SLC3A1: variants seen among roughly 807,000 people sequenced by gnomAD.
The protein encoded by SLC3A1 is solute carrier family 3 member 1, also known as amino acid transporter heavy chain SLC3A1.
In SLC3A1, 78 loss-of-function variants were observed where a neutral mutation model predicts 60.3. That is an observed-to-expected ratio of 1.29 (90% CI 1.08 to 1.56). SLC3A1 has a LOEUF of 1.56. SLC3A1 is among the 40% of genes most tolerant of loss of function. The pLI, the probability that SLC3A1 is intolerant of heterozygous loss-of-function variation, is 0.00. For synonymous variants in SLC3A1, 392 were observed against 307.9 expected, an observed-to-expected ratio of 1.27 and a Z score of -2.86; for missense variants, 1,172 against 858.9, an observed-to-expected ratio of 1.36 and a Z score of -4.56.
intron 8 of SLC3A1, among the ~76,000 whole-genome samples, chr2:44,313,244 C>T (rs1672343044): frequency 6.6e-6 from 1 of 152,140 alleles, no homozygotes; most frequent in Non-Finnish European, 1.5e-5. Context: ...CAGAGTTAAG[C>T]AGTTTTTATT....
chr2:44,276,676 G>A (rs932047537), intron 1 of SLC3A1, among the ~76,000 whole-genome samples: 3 of 151,538 alleles, frequency 2.0e-5, no homozygotes, highest in African/African-American at 7.3e-5. Flanking sequence ...GCCAGCTTAG[G>A]CAACATAGGG....
chr2:44,304,069 G>C (rs765812465), intron 6 of SLC3A1, 74 bp from the exon 7 acceptor site: 2 of 1,116,364 alleles, frequency 1.8e-6, no homozygotes, highest in Non-Finnish European at 2.8e-6. Flanking sequence ...GTACATGCAA[G>C]ATAAGCAGCT....
intron 7 of SLC3A1, among the ~76,000 whole-genome samples, chr2:44,312,158 TTAA>T (rs1672313754): frequency 1.3e-5 from 2 of 152,224 alleles, no homozygotes; most frequent in African/African-American, 4.8e-5. Context: ...TTGATTTACT[TTAA>T]AAATTTTGTC....
At chr2:44,280,472 T>C (rs1671469814) in intron 1 of SLC3A1, among the ~76,000 whole-genome samples, 1 of 151,788 alleles carries the variant, frequency 6.6e-6, no homozygotes, top group Admixed American at 6.6e-5. Context: ...CTCTTGACCT[T>C]AGGTATCCTC....
intron 6 of SLC3A1, among the ~76,000 whole-genome samples, chr2:44,302,041 C>T (rs896254066): frequency 2.0e-5 from 3 of 152,118 alleles, no homozygotes; most frequent in African/African-American, 7.2e-5. Flanking sequence ...GGCAACAGAG[C>T]AATACTCCAT....
intron 9 of SLC3A1, chr2:44,316,336 TGATTA>T (rs967774877): frequency 2.6e-4 from 40 of 152,296 alleles, no homozygotes; most frequent in African/African-American, 9.4e-4. Context: ...TTTCAAGAAG[TGATTA>T]GATCTCTCAG....
chr2:44,313,477 C>T (rs1672348897), intron 8 of SLC3A1, among the ~76,000 whole-genome samples: 1 of 152,160 alleles, frequency 6.6e-6, no homozygotes, highest in African/African-American at 2.4e-5. Context: ...TTGTACATGG[C>T]AGTGTTCTTA....
At chr2:44,321,510 T>C (rs1672941715), downstream of SLC3A1, 2 of 1,572,002 alleles carry the variant, frequency 1.3e-6, no homozygotes, top group Admixed American at 3.7e-5. Flanking sequence ...CTGTTTAAGC[T>C]TCTCTTTATC....
Position 44,280,804 on chromosome 2 carries a change from C to T in SLC3A1, c.519C>T (p.Phe173=), listed in dbSNP as rs770315517. The change falls in exon 2 of 10, where the codon TTC becomes TTT. Residue 173 remains phenylalanine (F), a synonymous_variant. Coordinates refer to ENST00000260649, the MANE Select transcript of SLC3A1 (RefSeq NM_000341.4). Reference sequence around the variant, plus strand: ...TTTATAAATCGTCCCTTAAAGATTTCAGATATGGTGTTGAAGATTTCCGGG... The same window carrying T: ...TTTATAAATCGTCCCTTAAAGATTTTAGATATGGTGTTGAAGATTTCCGGG... ...TSFYKSSLKD[F]RYGVEDFREV... is the part of the protein sequence containing the mutation. 1.9e-6 allele frequency: 3 copies of T among 1,613,240 alleles called. No individual in the cohort carries two copies. The East Asian group carries it at 6.7e-5, about 36-fold the overall frequency.
chr2:44,295,035 C>T (rs1204874583), intron 4 of SLC3A1, among the ~76,000 whole-genome samples: 1 of 152,118 alleles, frequency 6.6e-6, no homozygotes, highest in East Asian at 1.9e-4. Flanking sequence ...TGAGCCACCA[C>T]ACCTGGCTTA....
chr2:44,314,024 C>T, intron 9 of SLC3A1, 73 bp downstream of exon 9: 2 of 1,604,330 alleles, frequency 1.2e-6, no homozygotes, highest in Non-Finnish European at 1.7e-6. Flanking sequence ...TACACACTCA[C>T]CCTGAATGTG....
intron 9 of SLC3A1, chr2:44,314,273 T>G: frequency 5.3e-6 from 3 of 569,086 alleles, no homozygotes; most frequent in Non-Finnish European, 3.1e-6. Flanking sequence ...TCCTCCTCTC[T>G]TCCCCTCAAA....
chr2:44,300,874 A>G, intron 5 of SLC3A1, 129 bp from the exon 6 acceptor site: 2 of 1,024,018 alleles, frequency 2.0e-6, no homozygotes, highest in Non-Finnish European at 1.5e-6. Context: ...CTCCATCCAC[A>G]AAACCATGTT....
rs186968942 is a variant in SLC3A1, at chr2:44,288,070, C to T, written c.891+1913C>T. On this transcript the variant is annotated intron_variant, in intron 4 of 9. Coordinates refer to ENST00000260649, the MANE Select transcript of SLC3A1 (RefSeq NM_000341.4). ...TTTGAGACAGTCTTGCTCTGTCGCC[C>T]AGGCTGGAGTGTAGTGGCATGATCT... Among the ~76,000 whole-genome samples the T allele has an allele frequency of 2.6e-5, 4 of 151,776 alleles. No homozygotes were observed. In the East Asian group the frequency reaches 7.7e-4, roughly 29 times the overall value.
rs140433921 is a variant in SLC3A1 at position 44,286,102 on chromosome 2, T to C, written c.836T>C (p.Met279Thr). The C allele has an allele frequency of 1.9e-5, 30 of 1,613,954 alleles. No homozygotes were observed. The highest frequency in any genetic ancestry group is 2.5e-5 in the Non-Finnish European group (29 of 1,179,924). Residue 279 changes from methionine to threonine, a missense_variant, in exon 4 of 10, where the codon ATG (methionine) becomes ACG (threonine). By Grantham distance (81) the Met-to-Thr change is moderately conservative. Coordinates refer to ENST00000260649, the MANE Select transcript of SLC3A1 (RefSeq NM_000341.4). ...AACCAATGTTATTTTCATCAGTTTA[T>C]GAAAGAGCAACCTGATTTAAATTTC... ...VRNQCYFHQF[M>T]KEQPDLNFRN...
Position 44,320,530 on chromosome 2 carries a change from A to G in SLC3A1, c.1949A>G (p.His650Arg). The G allele has an allele frequency of 6.2e-7, 1 of 1,614,134 alleles. No individual in the cohort carries two copies. Among genetic ancestry groups the G allele is most frequent in the South Asian group, 1.1e-5 (1 of 91,084 alleles). Residue 650 changes from histidine (H) to arginine (R), a missense_variant, in exon 10 of 10, where the codon CAC becomes CGC. Transcript: ENST00000260649. ...LDKGEGLIFE[H>R]NTKNLLHRQT... is the part of the protein sequence containing the mutation. ...AAGGGAGAGGGACTCATCTTTGAAC[A>G]CAACACGAAGAATCTCCTTCATCGC...
At chr2:44,305,486 G>A (rs942835080) in intron 7 of SLC3A1, among the ~76,000 whole-genome samples, 2 of 145,744 alleles carry the variant, frequency 1.4e-5, no homozygotes, top group Admixed American at 1.4e-4. Context: ...TGGAGTGCAT[G>A]GCGTGATCTT....
downstream of SLC3A1, chr2:44,321,671 T>C (rs761939348): frequency 4.9e-5 from 75 of 1,538,556 alleles, no homozygotes; most frequent in Admixed American, 2.9e-4. Context: ...TTTCTCTTGA[T>C]TGACACAGTG....
intron 4 of SLC3A1, among the ~76,000 whole-genome samples, chr2:44,288,149 T>C (rs559195532): frequency 2.6e-4 from 40 of 151,950 alleles, no homozygotes; most frequent in African/African-American, 9.7e-4. Context: ...TGCCTCAGCC[T>C]CCGAGTAGCT....
Sources: allele counts gnomAD v4.1 joint callset (sites outside exome capture counted in the v4.1 genomes callset), GRCh38; gene constraint gnomAD v4.1.1; transcripts MANE v1.5; gene names NCBI Gene and HGNC (gene_info 2026-07-23, HGNC 2026-07-21).